The following ACAA2 variants were observed in gnomAD, a reference collection of about 807,000 sequenced individuals.
ACAA2 encodes acetyl-CoA acyltransferase 2, also known as 3-ketoacyl-CoA thiolase, mitochondrial.
In ACAA2, 35 loss-of-function variants were observed where a neutral mutation model predicts 44.8. The observed-to-expected ratio is 0.78, with a 90% CI of 0.60 to 1.04. ACAA2 has a LOEUF of 1.04. Among genes scored for constraint, ACAA2 ranks in the 50% least tolerant of loss-of-function variants. ACAA2 has a pLI of 0.00. For synonymous variants in ACAA2, 142 were observed against 166.5 expected, an observed-to-expected ratio of 0.85 and a Z score of 1.13; for missense variants, 468 against 482.6, an observed-to-expected ratio of 0.97 and a Z score of 0.28.
At chr18:49,786,467 T>G (rs1427222039) in intron 8 of ACAA2, 1 of 152,214 alleles carries the variant, frequency 6.6e-6, no homozygotes, top group Non-Finnish European at 1.5e-5. Flanking sequence ...GGCTCTGAAC[T>G]GTGATCTGCT....
At chr18:49,787,176 G>T (rs1460083577) in intron 8 of ACAA2, 115 bp downstream of exon 8, 2 of 804,152 alleles carry the variant, frequency 2.5e-6, no homozygotes, top group Admixed American at 4.1e-5. Flanking sequence ...CATTTGGAAA[G>T]GCTAACTACA....
intron 1 of ACAA2, chr18:49,811,459 A>T (rs1281073313): frequency 1.2e-4 from 18 of 152,228 alleles, no homozygotes; most frequent in Admixed American, 7.9e-4. Context: ...TGATCTGTCG[A>T]GCGAAAACCT....
intron 6 of ACAA2, 102 bp downstream of exon 6, chr18:49,792,050 A>ACAACT: frequency 1.1e-6 from 1 of 910,208 alleles, no homozygotes; most frequent in African/African-American, 1.6e-5. Context: ...TTTAAGCTAA[A>ACAACT]CAACTAAAGA....
chr18:49,785,602 C>T (rs942379093), intron 8 of ACAA2: 1 of 472,684 alleles, frequency 2.1e-6, no homozygotes, highest in Non-Finnish European at 3.8e-6. Flanking sequence ...TTGACACATA[C>T]CAGACACAGT....
At chr18:49,802,613 T>C in intron 2 of ACAA2, 74 bp downstream of exon 2, 1 of 1,368,656 alleles carries the variant, frequency 7.3e-7, no homozygotes, top group Non-Finnish European at 9.9e-7. Context: ...ACCATTATGA[T>C]ATGTTAAAGG....
At chr18:49,809,519 C>T (rs1389670909) in intron 1 of ACAA2, among the ~76,000 whole-genome samples, 2 of 152,158 alleles carry the variant, frequency 1.3e-5, no homozygotes, top group African/African-American at 2.4e-5. Flanking sequence ...AACTGTGGTG[C>T]AGCCATACAA....
At chr18:49,810,145 A>G (rs2023652792) in intron 1 of ACAA2, among the ~76,000 whole-genome samples, 1 of 152,242 alleles carries the variant, frequency 6.6e-6, no homozygotes, top group Non-Finnish European at 1.5e-5. Context: ...ATTTAAAAAA[A>G]CATTTGCAGA....
intron 2 of ACAA2, among the ~76,000 whole-genome samples, chr18:49,801,939 A>G (rs1040581807): frequency 7.9e-5 from 12 of 151,992 alleles, no homozygotes; most frequent in African/African-American, 2.9e-4. Context: ...TGAATTTTCA[A>G]TTACCTGCAT....
chr18:49,787,233 T>TAA, intron 8 of ACAA2, 58 bp downstream of exon 8: 1 of 1,220,522 alleles, frequency 8.2e-7, no homozygotes, highest in Non-Finnish European at 1.1e-6. Context: ...ATTTATGCTA[T>TAA]AAAAGTACAT....
At chr18:49,790,937 CCTGG>C (rs2023390981) in intron 7 of ACAA2, among the ~76,000 whole-genome samples, 1 of 152,140 alleles carries the variant, frequency 6.6e-6, no homozygotes, top group East Asian at 1.9e-4. Context: ...GGATTCACAC[CCTGG>C]CTGTCACTTA....
chr18:49,796,408 G>T (rs1424352784), intron 3 of ACAA2, among the ~76,000 whole-genome samples: 2 of 152,040 alleles, frequency 1.3e-5, no homozygotes, highest in Non-Finnish European at 2.9e-5. Context: ...TGAACCTGAT[G>T]GTTCTTAAAA....
intron 8 of ACAA2, among the ~76,000 whole-genome samples, chr18:49,786,930 T>C (rs2143946444): frequency 6.6e-6 from 1 of 152,276 alleles, no homozygotes; most frequent in Non-Finnish European, 1.5e-5. Flanking sequence ...TAAATATTGC[T>C]TTTCTATTAT....
chr18:49,787,260 TAAAAAA>T (rs35932656), intron 8 of ACAA2, 25 bp downstream of exon 8: 84 of 1,027,840 alleles, frequency 8.2e-5, no homozygotes, highest in Admixed American at 1.9e-4. Context: ...TTCATGTTGT[TAAAAAA>T]AAAAAAAAAA....
chr18:49,789,347 C>A (rs756601185), intron 7 of ACAA2, among the ~76,000 whole-genome samples: 1 of 152,118 alleles, frequency 6.6e-6, no homozygotes, highest in African/African-American at 2.4e-5. Flanking sequence ...GATGCTTCAA[C>A]GAGTTACTTT....
chr18:49,813,392 G>T, intron 1 of ACAA2, 77 bp downstream of exon 1: 1 of 1,134,122 alleles, frequency 8.8e-7, no homozygotes, highest in Non-Finnish European at 1.1e-6. Flanking sequence ...ACTCTCCGCG[G>T]CGGCCGGAAG....
intron 1 of ACAA2, among the ~76,000 whole-genome samples, chr18:49,803,982 C>T (rs1323519006): frequency 6.7e-6 from 1 of 149,386 alleles, no homozygotes; most frequent in Admixed American, 6.7e-5. Flanking sequence ...GCGATTTCGG[C>T]TCACTGCAAC....
chr18:49,787,547 A>G (rs2023347916), intron 7 of ACAA2, among the ~76,000 whole-genome samples, 186 bp from the exon 8 acceptor site: 1 of 152,104 alleles, frequency 6.6e-6, no homozygotes, highest in Non-Finnish European at 1.5e-5. Flanking sequence ...AAAAGGGCCC[A>G]GGCATGGTGG....
At chr18:49,794,794 T>C (rs560804714) in intron 4 of ACAA2, among the ~76,000 whole-genome samples, 9 of 152,350 alleles carry the variant, frequency 5.9e-5, no homozygotes, top group African/African-American at 1.2e-4. Flanking sequence ...TGTTTTCTTA[T>C]AGCCATCTTT....
At chr18:49,801,832 G>A (rs1286120024) in intron 2 of ACAA2, among the ~76,000 whole-genome samples, 2 of 103,842 alleles carry the variant, frequency 1.9e-5, no homozygotes, top group African/African-American at 7.6e-5. Context: ...TTTTTCATTA[G>A]ATTATTACCT....
Sources: allele counts gnomAD v4.1 joint callset (sites outside exome capture counted in the v4.1 genomes callset), GRCh38; gene constraint gnomAD v4.1.1; transcripts MANE v1.5; gene names NCBI Gene and HGNC (gene_info 2026-07-23, HGNC 2026-07-21).